Variants in BCAT2 observed in about 807,000 individuals in gnomAD.
BCAT2 encodes branched-chain-amino-acid aminotransferase, mitochondrial.
BCAT2 carries 44 observed loss-of-function variants against 52.9 expected under a neutral mutation model. That is an observed-to-expected ratio of 0.83 (90% CI 0.65 to 1.07). BCAT2 has a LOEUF of 1.07. Among genes scored for constraint, BCAT2 ranks in the 50% least tolerant of loss-of-function variants. The pLI is 0.00. For missense variants in BCAT2, 478 were observed against 521.8 expected, an observed-to-expected ratio of 0.92 and a Z score of 0.82; for synonymous variants, 215 against 217.1, an observed-to-expected ratio of 0.99 and a Z score of 0.08.
chr19:48,798,278 G>A (rs1203621920), intron 6 of BCAT2, among the ~76,000 whole-genome samples: 4 of 152,010 alleles, frequency 2.6e-5, no homozygotes, highest in African/African-American at 4.8e-5. Flanking sequence ...ACCTTCCCTG[G>A]ACTCCCCCAG....
intron 3 of BCAT2, among the ~76,000 whole-genome samples, chr19:48,801,823 G>T (rs2034663927): frequency 6.6e-6 from 1 of 152,034 alleles, no homozygotes; most frequent in Non-Finnish European, 1.5e-5. Context: ...TTTTGGTAGA[G>T]ACGGGGTTTC....
chr19:48,797,814 C>CTT (rs11310101), intron 6 of BCAT2, among the ~76,000 whole-genome samples: 5 of 130,746 alleles, frequency 3.8e-5, no homozygotes, highest in African/African-American at 8.6e-5. Flanking sequence ...TTCTTTTTTT[C>CTT]TTTTTTTTTT....
In BCAT2 at chr19:48,795,190, CACG is replaced by C. The variant is rs1278060876; in HGVS notation, c.*233_*235del. The C allele has an allele frequency of 1.3e-5, 8 of 598,214 alleles. No individual in the cohort carries two copies. In the African/African-American group the frequency reaches 1.5e-4, roughly 11 times the overall value. The allele number at this position is 598,214 out of a possible 1,614,324, so 37.1% of individuals were successfully genotyped here. A position where few individuals can be genotyped will look rare whatever the true frequency, so the allele number is the denominator to read the frequency against. ...CGGGGCCAAGGTGTATCCTTGACCGCACGACAAGGAGTAATGGGCGGACCTGAA... is the reference window on the plus strand; with the variant it reads ...CGGGGCCAAGGTGTATCCTTGACCGCACAAGGAGTAATGGGCGGACCTGAA... On this transcript the variant is annotated 3_prime_UTR_variant, in exon 11 of 11. Transcript: ENST00000316273.
chr19:48,806,224 AGG>A, intron 3 of BCAT2, among the ~76,000 whole-genome samples: 1 of 149,574 alleles, frequency 6.7e-6, no homozygotes, highest in East Asian at 2.0e-4. Context: ...CTTTCAAGTG[AGG>A]CTGGGGGTCT....
chr19:48,800,732 C>T (rs1599799129), intron 3 of BCAT2, among the ~76,000 whole-genome samples: 1 of 152,216 alleles, frequency 6.6e-6, no homozygotes, highest in South Asian at 2.1e-4. Flanking sequence ...TCACTTGAGC[C>T]TGGGAGTTTG....
intron 3 of BCAT2, among the ~76,000 whole-genome samples, chr19:48,800,976 T>TTTTTG (rs66581317): frequency 8.7e-5 from 13 of 149,598 alleles, no homozygotes; most frequent in South Asian, 2.1e-4. Flanking sequence ...ACAGAGTGTT[T>TTTTTG]TTTTGTTTTG....
chr19:48,797,255 G>A lies in BCAT2; in HGVS notation c.774C>T (p.Pro258=), dbSNP rs756889501. The A allele has an allele frequency of 5.5e-5, 89 of 1,613,760 alleles. 2 individuals carry two copies. The highest frequency in any genetic ancestry group is 2.2e-4 in the South Asian group (20 of 91,022). Residue 258 remains proline (P), a synonymous_variant, in exon 7 of 11, where the codon CCC becomes CCT. Coordinates refer to ENST00000316273, the MANE Select transcript of BCAT2 (RefSeq NM_001190.4). ...TTCCCACCTCGGTGAGCTGGTGGTC[G>A]GGCCCATACAGCCAGAGGACCTGTT... ...GCEQVLWLYG[P]DHQLTEVGTM...
At chr19:48,800,976 T>TTTTTGTTTTG (rs66581317) in intron 3 of BCAT2, among the ~76,000 whole-genome samples, 3 of 149,598 alleles carry the variant, frequency 2.0e-5, no homozygotes, top group Non-Finnish European at 4.4e-5. Flanking sequence ...ACAGAGTGTT[T>TTTTTGTTTTG]TTTTGTTTTG....
rs770987699 is a variant in BCAT2 at position 48,795,417 on chromosome 19, C to A, written c.*9G>T. The A allele has an allele frequency of 1.4e-5, 22 of 1,613,818 alleles. No homozygotes were observed. In the East Asian group the frequency reaches 4.7e-4, roughly 34 times the overall value. ...ACGGGTCGGTGGATCTGGAGCACAG[C>A]CTGCAGCTTCACACCGGGAACATCC... On this transcript the variant is annotated 3_prime_UTR_variant, in exon 11 of 11. Transcript: ENST00000316273.
chr19:48,795,741 T>C lies in BCAT2; in HGVS notation c.1141-277A>G, dbSNP rs1451652656. The C allele has an allele frequency of 9.3e-6, 5 of 535,348 alleles. No homozygotes were observed. In the East Asian group the frequency reaches 1.6e-4, roughly 17 times the overall value. 33.2% of individuals were successfully genotyped at this position (535,348 alleles called of 1,614,324 possible). ...CTTTCAGCTCAGAAAGCCCAGATAG[T>C]CAGAGGATGTGTAGTTCTAGGTCCT... On this transcript the variant is annotated intron_variant, in intron 10 of 10. Coordinates refer to ENST00000316273, the MANE Select transcript of BCAT2 (RefSeq NM_001190.4).
intron 6 of BCAT2, chr19:48,798,935 C>T (rs913641643): frequency 3.3e-5 from 5 of 152,368 alleles, no homozygotes; most frequent in African/African-American, 9.7e-5. Context: ...CGCCTCTGGC[C>T]TCTGTGAAGG....
At position 48,799,078 on chromosome 19, in the gene BCAT2, G is replaced by A. The variant is rs2034597992; in HGVS notation, c.695+597C>T. 6.6e-6 allele frequency: 1 copy of A among 152,330 alleles called. No homozygotes were observed. The highest frequency in any genetic ancestry group is 2.1e-4 in the South Asian group (1 of 4,830). 9.4% of individuals were successfully genotyped at this position (152,330 alleles called of 1,614,324 possible). A position where few individuals can be genotyped will look rare whatever the true frequency, so the allele number is the denominator to read the frequency against. ...TGTGTCCCCAGCTTCTGCCAGCACA[G>A]GGCCTGGCCCTCAGGAGACCTCACA... On this transcript the variant is annotated intron_variant, in intron 6 of 10. Coordinates refer to ENST00000316273, the MANE Select transcript of BCAT2 (RefSeq NM_001190.4). The surrounding 1 kb of genome is among the most constrained non-coding windows in gnomAD (Gnocchi z 5.5).
At position 48,796,511 on chromosome 19, in the gene BCAT2, G is replaced by T. The variant is rs748466142; in HGVS notation, c.1066-9C>A. On this transcript the variant is annotated splice_polypyrimidine_tract_variant and intron_variant, in intron 9 of 10. Transcript: ENST00000316273. The stretch of plus-strand genomic sequence containing the variant: ...GTGGGAATGTGGAGGTTCTGGGACA[G>T]AAGGTGCGGTGAGGACCAAGCCCCT... 7 of 1,612,546 alleles carry T rather than the reference G, an allele frequency of 4.3e-6. No individual in the cohort carries two copies. Among genetic ancestry groups the T allele is most frequent in the Admixed American group, 3.3e-5 (2 of 59,938 alleles).
In BCAT2 at chr19:48,804,399, C is replaced by G. The variant is rs529650673; in HGVS notation, c.300+2118G>C. On this transcript the variant is annotated intron_variant, in intron 3 of 10. Transcript: ENST00000316273. ...GCTTTACTAAAAATACAAAAATTAG[C>G]CGGGTGTGGTGGCGGGCGCCTGTAA... 6.0e-4 allele frequency among the ~76,000 whole-genome samples: 91 copies of G among 151,248 alleles called. 1 individual carries two copies. Among genetic ancestry groups the G allele is most frequent in the East Asian group, 1.4e-3 (7 of 5,022 alleles).
At position 48,806,734 on chromosome 19, in the gene BCAT2, G is replaced by A; in HGVS notation, c.100-17C>T. 6.2e-7 allele frequency: 1 copy of A among 1,610,704 alleles called. No individual in the cohort carries two copies. ...GTCTGCAGCCTGAGGAAAGACAGGG[G>A]TATCCTAGAATCTGGCCACAACCTC... On this transcript the variant is annotated splice_polypyrimidine_tract_variant and intron_variant, in intron 2 of 10. Transcript: ENST00000316273.
At chr19:48,809,718 T>C (rs1280400583) in intron 1 of BCAT2, among the ~76,000 whole-genome samples, 1 of 151,774 alleles carries the variant, frequency 6.6e-6, no homozygotes, top group Non-Finnish European at 1.5e-5. Flanking sequence ...TAACCAGCAT[T>C]GTCTCTGCCA....
chr19:48,799,511 T>G lies in BCAT2; in HGVS notation c.695+164A>C. 1 of 863,604 alleles carries G rather than the reference T, an allele frequency of 1.2e-6. No individual in the cohort carries two copies. The highest frequency in any genetic ancestry group is 1.6e-6 in the Non-Finnish European group (1 of 609,932). 53.5% of individuals were successfully genotyped at this position (863,604 alleles called of 1,614,324 possible). A position where few individuals can be genotyped will look rare whatever the true frequency, so the allele number is the denominator to read the frequency against. ...ATCCCCTCCTCCTTCCTTCCATGGT[T>G]TGTTTTCAGGGACCAGGGAGGTCAC... On this transcript the variant is annotated intron_variant, in intron 6 of 10. Transcript: ENST00000316273. This position sits in a 1 kb window ranked among gnomAD's most constrained non-coding sequence, Gnocchi z 5.5.
chr19:48,806,673 C>T lies in BCAT2; in HGVS notation c.144G>A (p.Lys48=). 1.9e-6 allele frequency: 3 copies of T among 1,613,812 alleles called. No individual in the cohort carries two copies. Among genetic ancestry groups the T allele is most frequent in the Non-Finnish European group, 2.5e-6 (3 of 1,179,894 alleles). ...QLEMTQKPHK[K]PGPGEPLVFG... is the part of the protein sequence containing the mutation. ...ACACCAGGGGCTCGCCGGGGCCAGG[C>T]TTCTTATGAGGCTTCTGTGTCATTT... is the stretch of plus-strand genomic sequence containing the variant. Residue 48 remains lysine (K), a synonymous_variant, in exon 3 of 11, where the codon AAG becomes AAA. Coordinates refer to ENST00000316273, the MANE Select transcript of BCAT2 (RefSeq NM_001190.4).
intron 3 of BCAT2, among the ~76,000 whole-genome samples, chr19:48,800,896 G>GATT (rs1488221114): frequency 2.6e-5 from 4 of 152,178 alleles, no homozygotes; most frequent in Admixed American, 2.6e-4. Context: ...GGAAGGCAGG[G>GATT]ATTACCCTTG....
Sources: allele counts gnomAD v4.1 joint callset (sites outside exome capture counted in the v4.1 genomes callset), GRCh38; gene constraint gnomAD v4.1.1; non-coding constraint Gnocchi (gnomAD v3.1); transcripts MANE v1.5; gene names NCBI Gene and HGNC (gene_info 2026-07-23, HGNC 2026-07-21).